The following KLRG1 variants were observed in gnomAD, a reference collection of about 807,000 sequenced individuals.
KLRG1 encodes killer cell lectin-like receptor subfamily G member 1.
A neutral mutation model predicts 21.8 loss-of-function variants in KLRG1; 16 were observed. The ratio of observed to expected loss-of-function variants is 0.73; its 90% CI spans 0.50 to 1.11. The LOEUF (loss-of-function observed/expected upper bound fraction) is 1.11. Among genes scored for constraint, KLRG1 ranks in the 50% most tolerant of loss-of-function variants. The pLI is 0.00. For missense variants in KLRG1, 173 were observed against 218.3 expected (o/e 0.79, Z 1.31); for synonymous variants, 69 against 75.9 (o/e 0.91, Z 0.47).
the KLRG1 span, among the ~76,000 whole-genome samples, chr12:9,099,714 G>A: frequency 1.3e-5 from 2 of 152,256 alleles, no homozygotes; most frequent in East Asian, 3.9e-4. Context: ...TTTTTCACCA[G>A]CTTTAAGCTT....
At chr12:8,959,901 C>G (rs1170047411) in intron 1 of KLRG1, among the ~76,000 whole-genome samples, 1 of 152,128 alleles carries the variant, frequency 6.6e-6, no homozygotes, top group African/African-American at 2.4e-5. Flanking sequence ...TAGTTTGCCA[C>G]TTATTTTGGC....
chr12:9,026,708 A>G, the KLRG1 span, among the ~76,000 whole-genome samples: 1 of 151,376 alleles, frequency 6.6e-6, no homozygotes, highest in Non-Finnish European at 1.5e-5. Flanking sequence ...TTTTCTTATC[A>G]ATATGTAGGC....
chr12:9,053,620 A>C, the KLRG1 span, among the ~76,000 whole-genome samples: 1 of 152,002 alleles, frequency 6.6e-6, no homozygotes, highest in Non-Finnish European at 1.5e-5. Context: ...GGAGGGGGAG[A>C]AATGAAAATA....
chr12:9,134,869 C>T, the KLRG1 span, among the ~76,000 whole-genome samples: 1 of 152,208 alleles, frequency 6.6e-6, no homozygotes, highest in Non-Finnish European at 1.5e-5. Context: ...GCCATCGCTC[C>T]TCTCTTCCTC....
downstream of KLRG1, among the ~76,000 whole-genome samples, chr12:9,011,892 GA>G (rs1284089489): frequency 6.6e-6 from 1 of 152,212 alleles, no homozygotes; most frequent in Non-Finnish European, 1.5e-5. Flanking sequence ...ACATGGGACA[GA>G]AATCAGCCAG....
the KLRG1 span, chr12:9,113,670 T>G: frequency 2.0e-6 from 2 of 986,120 alleles, no homozygotes; most frequent in East Asian, 4.9e-5. Flanking sequence ...CTGATGAGCA[T>G]GAAATTTGGC....
Position 9,010,156 on chromosome 12 carries a change from A to G in KLRG1, c.*619A>G. On this transcript the variant is annotated 3_prime_UTR_variant, in exon 5 of 5. Coordinates refer to ENST00000356986, the MANE Select transcript of KLRG1 (RefSeq NM_005810.4). ...AGCTATGATTGTGCCACTGTACTCC[A>G]GCCTGGGAGATAGAGCAAGACTCCA... is the stretch of plus-strand genomic sequence containing the variant. 2 of 601,504 alleles carry G rather than the reference A, an allele frequency of 3.3e-6. No individual in the cohort carries two copies. The highest frequency in any genetic ancestry group is 4.4e-5 in the South Asian group (2 of 45,048). The allele number at this position is 601,504 out of a possible 1,614,324, so 37.3% of individuals were successfully genotyped here. A position where few individuals can be genotyped will look rare whatever the true frequency, so the allele number is the denominator to read the frequency against.
chr12:9,186,396 G>A, the KLRG1 span, among the ~76,000 whole-genome samples: 13 of 152,112 alleles, frequency 8.5e-5, no homozygotes, highest in East Asian at 3.9e-4. Flanking sequence ...TCAAATTCAC[G>A]CATCTCAATA....
chr12:9,196,623 C>T, the KLRG1 span: 96 of 1,613,732 alleles, frequency 5.9e-5, 4 homozygotes, highest in South Asian at 7.6e-4. Flanking sequence ...TTTCAAAGCC[C>T]GTATTTGTAA....
the KLRG1 span, chr12:9,149,727 T>C: frequency 1.3e-6 from 1 of 764,514 alleles, no homozygotes; most frequent in Non-Finnish European, 2.1e-6. Flanking sequence ...AAACTTCATG[T>C]AAATAGACAA....
intron 1 of KLRG1, among the ~76,000 whole-genome samples, chr12:8,976,089 T>C (rs757406753): frequency 6.6e-6 from 1 of 152,298 alleles, no homozygotes; most frequent in Non-Finnish European, 1.5e-5. Context: ...TCTTTTTGAA[T>C]GTAGATGTTT....
chr12:8,954,541 T>A (rs1457545205), intron 1 of KLRG1, among the ~76,000 whole-genome samples: 1 of 151,880 alleles, frequency 6.6e-6, no homozygotes, highest in Non-Finnish European at 1.5e-5. Flanking sequence ...TGTATATTTT[T>A]AAAAAGTTTT....
the KLRG1 span, chr12:9,093,349 ACAT>A: frequency 5.3e-5 from 37 of 692,896 alleles, no homozygotes; most frequent in Non-Finnish European, 8.4e-5. Context: ...ATATATCAAA[ACAT>A]CATGTTGTAC....
At chr12:8,964,339 A>C (rs1462359152) in intron 1 of KLRG1, among the ~76,000 whole-genome samples, 2 of 152,118 alleles carry the variant, frequency 1.3e-5, no homozygotes, top group Non-Finnish European at 2.9e-5. Flanking sequence ...TATGTAGTTG[A>C]GTGGTTTTGA....
At chr12:9,068,112 A>G in the KLRG1 span, 1 of 1,516,930 alleles carries the variant, frequency 6.6e-7, no homozygotes, top group Non-Finnish European at 9.0e-7. Context: ...CCAGCGTTTT[A>G]TGAAGGAGAA....
the KLRG1 span, among the ~76,000 whole-genome samples, chr12:9,086,798 C>T: frequency 6.6e-6 from 1 of 152,028 alleles, no homozygotes; most frequent in Non-Finnish European, 1.5e-5. Context: ...AGCAATCAAA[C>T]ATGAAAAAGA....
At chr12:9,190,805 A>G in the KLRG1 span, among the ~76,000 whole-genome samples, 38 of 152,220 alleles carry the variant, frequency 2.5e-4, no homozygotes, top group Non-Finnish European at 5.0e-4. Context: ...AATAATTTGG[A>G]CAGTATGAAG....
the KLRG1 span, chr12:9,077,281 C>G: frequency 7.1e-7 from 1 of 1,407,140 alleles, no homozygotes. Flanking sequence ...GTATTTCAGA[C>G]AGCAGGTCAG....
chr12:9,063,039 T>TA, the KLRG1 span, among the ~76,000 whole-genome samples: 1 of 152,028 alleles, frequency 6.6e-6, no homozygotes, highest in South Asian at 2.1e-4. Flanking sequence ...AAGACTAAAA[T>TA]ACTAAATAAG....
Sources: gnomAD v4.1 joint callset for allele counts (sites outside exome capture counted in the v4.1 genomes callset) on GRCh38, gnomAD v4.1.1 for gene constraint, MANE v1.5 for transcripts, NCBI Gene and HGNC (gene_info 2026-07-23, HGNC 2026-07-21) for gene names.